Variants in GSTA5 observed in about 807,000 individuals in gnomAD.
GSTA5 encodes the protein glutathione S-transferase A5.
A neutral mutation model predicts 21.8 loss-of-function variants in GSTA5; 25 were observed. That is an observed-to-expected ratio of 1.14 (90% confidence interval 0.83 to 1.60). The LOEUF is 1.60. GSTA5 is among the 40% of genes most tolerant of loss of function. GSTA5 has a pLI of 0.00. For synonymous variants in GSTA5, 102 were observed against 89.5 expected, an observed-to-expected ratio of 1.14 and a Z score of -0.78; for missense variants, 330 against 259.2, an observed-to-expected ratio of 1.27 and a Z score of -1.88.
chr6:52,832,832 GTC>G (rs1764235884), intron 5 of GSTA5, 25 bp downstream of exon 5: 1 of 1,613,398 alleles, frequency 6.2e-7, no homozygotes, highest in Admixed American at 1.7e-5. Flanking sequence ...ATGTGGGGCT[GTC>G]TCTCTGGGCT....
intron 1 of GSTA5, among the ~76,000 whole-genome samples, chr6:52,839,841 G>A (rs1165321634): frequency 6.6e-6 from 1 of 152,204 alleles, no homozygotes; most frequent in Non-Finnish European, 1.5e-5. Flanking sequence ...GTAACACTGG[G>A]GAATGCTTGG....
upstream of GSTA5, among the ~76,000 whole-genome samples, chr6:52,845,111 G>A (rs929662377): frequency 7.9e-5 from 12 of 151,898 alleles, no homozygotes; most frequent in African/African-American, 2.7e-4. Context: ...CTGTCATATG[G>A]TGGCTCTCTG....
At chr6:52,844,471 G>C (rs73740676), upstream of GSTA5, among the ~76,000 whole-genome samples, 1,695 of 152,228 alleles carry the variant, frequency 0.011, 30 homozygotes, top group African/African-American at 0.038. Flanking sequence ...TAGTATAACT[G>C]TATTTACATC....
At chr6:52,842,383 T>C (rs575438641), upstream of GSTA5, among the ~76,000 whole-genome samples, 10 of 150,828 alleles carry the variant, frequency 6.6e-5, no homozygotes, top group African/African-American at 2.4e-4. Flanking sequence ...AAAATATACT[T>C]GCCTTTAACA....
chr6:52,835,497 A>T (rs1581816016), intron 3 of GSTA5, among the ~76,000 whole-genome samples: 1 of 152,172 alleles, frequency 6.6e-6, no homozygotes, highest in South Asian at 2.1e-4. Flanking sequence ...TAAAAAATTT[A>T]GTGTGGATGT....
upstream of GSTA5, among the ~76,000 whole-genome samples, chr6:52,842,114 G>C (rs567208189): frequency 6.6e-6 from 1 of 152,314 alleles, no homozygotes; most frequent in Admixed American, 6.5e-5. Context: ...CATCAGTGAA[G>C]TTTGATAGCC....
In GSTA5 at chr6:52,832,991, C is replaced by G. The variant is rs1424316327; in HGVS notation, c.415-1G>C. The G allele has an allele frequency of 7.4e-6, 12 of 1,613,978 alleles. No individual in the cohort carries two copies. Among genetic ancestry groups the G allele is most frequent in the African/African-American group, 1.3e-5 (1 of 75,018 alleles). On this transcript the variant is annotated splice_acceptor_variant, in intron 4 of 5. Coordinates refer to ENST00000370989, the Ensembl canonical transcript of GSTA5. LOFTEE classifies it high-confidence loss of function. ...AGTCTTGTCTGTGGCTCTTTAAGACCTGGAGAATTGGAGGAATCAGATCAG... is the reference window on the plus strand; with the variant it reads ...AGTCTTGTCTGTGGCTCTTTAAGACGTGGAGAATTGGAGGAATCAGATCAG...
the GSTA5 span, among the ~76,000 whole-genome samples, chr6:52,845,904 CA>C: frequency 6.6e-6 from 1 of 152,044 alleles, no homozygotes; most frequent in Non-Finnish European, 1.5e-5. Flanking sequence ...AAGAAATAAA[CA>C]ATTCTTGAAC....
chr6:52,840,719 GA>G lies in GSTA5; in HGVS notation c.87+7del, dbSNP rs1350361045. The G allele has an allele frequency of 1.2e-6, 2 of 1,612,806 alleles. No individual in the cohort carries two copies. The highest frequency in any genetic ancestry group is 1.7e-6 in the Non-Finnish European group (2 of 1,179,016). On this transcript the variant is annotated splice_region_variant and intron_variant, in intron 1 of 5. Coordinates refer to ENST00000370989, the Ensembl canonical transcript of GSTA5. Reference sequence around the variant, plus strand: ...ATCCAACTTAAGATGACCTTACTCAGAACCTACCTCTACTCCAGCTGCAGCC... The same window carrying G: ...ATCCAACTTAAGATGACCTTACTCAGACCTACCTCTACTCCAGCTGCAGCC...
intron 1 of GSTA5, among the ~76,000 whole-genome samples, chr6:52,838,617 C>A (rs780190295): frequency 2.0e-5 from 3 of 152,152 alleles, no homozygotes; most frequent in Non-Finnish European, 4.4e-5. Flanking sequence ...TGAGTGGTTG[C>A]AGGTATTTAA....
upstream of GSTA5, among the ~76,000 whole-genome samples, chr6:52,843,461 T>A (rs1335519474): frequency 6.6e-6 from 1 of 152,242 alleles, no homozygotes; most frequent in Non-Finnish European, 1.5e-5. Context: ...CATGAGATGG[T>A]ATCTCATTGT....
At chr6:52,833,396 C>G (rs535923311) in intron 4 of GSTA5, among the ~76,000 whole-genome samples, 251 of 152,296 alleles carry the variant, frequency 1.6e-3, no homozygotes, top group African/African-American at 5.8e-3. Flanking sequence ...AGTGACTCCA[C>G]CTTCATGACA....
chr6:52,841,359 G>A (rs1209251528), upstream of GSTA5, among the ~76,000 whole-genome samples: 1 of 152,178 alleles, frequency 6.6e-6, no homozygotes, highest in African/African-American at 2.4e-5. Context: ...AAGACATCTG[G>A]GTGAAGGCCC....
At chr6:52,832,799 G>C in intron 5 of GSTA5, 60 bp downstream of exon 5, 1 of 1,610,458 alleles carries the variant, frequency 6.2e-7, no homozygotes, top group Non-Finnish European at 8.5e-7. Context: ...CCGGGGCCCA[G>C]ATATGAGATC....
chr6:52,844,971 A>G (rs1764433593), upstream of GSTA5, among the ~76,000 whole-genome samples: 1 of 152,082 alleles, frequency 6.6e-6, no homozygotes, highest in African/African-American at 2.4e-5. Context: ...CAATCGTTCT[A>G]TGCATTTGTC....
chr6:52,832,046 G>A, intron 5 of GSTA5, 76 bp from the exon 6 acceptor site: 1 of 1,541,366 alleles, frequency 6.5e-7, no homozygotes, highest in Non-Finnish European at 8.7e-7. Context: ...GGGAATGTGA[G>A]CCCCTCATGC....
intron 2 of GSTA5, among the ~76,000 whole-genome samples, chr6:52,836,592 AC>A (rs1226732122): frequency 6.6e-6 from 1 of 152,086 alleles, no homozygotes; most frequent in Non-Finnish European, 1.5e-5. Flanking sequence ...GCTCACTGTA[AC>A]CTCTGCCTCC....
intron 3 of GSTA5, among the ~76,000 whole-genome samples, chr6:52,834,500 T>G (rs1764266104): frequency 6.6e-6 from 1 of 152,214 alleles, no homozygotes; most frequent in Admixed American, 6.5e-5. Context: ...TAAAACAACC[T>G]ATCAAGGTAG....
chr6:52,836,161 G>A lies in GSTA5; in HGVS notation c.272+75C>T, dbSNP rs113897696. ...GCTGCTGGTCATGATGCCCTGCCAT[G>A]GTCCCACCCACTCAAAGAAGGACTT... On this transcript the variant is annotated intron_variant, in intron 3 of 5. Coordinates refer to ENST00000370989, the Ensembl canonical transcript of GSTA5. The A allele has an allele frequency of 2.9e-4, 451 of 1,530,664 alleles. 5 individuals carry two copies. The South Asian group carries it at 5.1e-3, about 17-fold the overall frequency. The allele number at this position is 1,530,664 out of a possible 1,614,324, so 94.8% of individuals were successfully genotyped here.
Sources: gnomAD v4.1 joint callset for allele counts (sites outside exome capture counted in the v4.1 genomes callset) on GRCh38, gnomAD v4.1.1 for gene constraint, MANE v1.5 for transcripts, NCBI Gene and HGNC (gene_info 2026-07-23, HGNC 2026-07-21) for gene names.